Variants in IMPG1 observed in about 807,000 individuals in gnomAD.
IMPG1 encodes the protein interphotoreceptor matrix proteoglycan of 150 kDa.
A neutral mutation model predicts 92.0 loss-of-function variants in IMPG1; 85 were observed. That is an observed-to-expected ratio of 0.92 (90% CI 0.78 to 1.11). The LOEUF (loss-of-function observed/expected upper bound fraction) is 1.11. Among genes scored for constraint, IMPG1 ranks in the 50% least tolerant of loss-of-function variants. The probability of loss-of-function intolerance (pLI) is 0.00; values close to 1 mark genes in which losing one functional copy is unlikely to be tolerated. For synonymous variants in IMPG1, 367 were observed against 334.1 expected (o/e 1.10, Z -1.08); for missense variants, 1,022 against 956.0 (o/e 1.07, Z -0.91).
chr6:76,034,473 A>G (rs1783701295), intron 3 of IMPG1, 130 bp from the exon 4 acceptor site: 3 of 1,228,606 alleles, frequency 2.4e-6, no homozygotes, highest in Non-Finnish European at 3.5e-6. Context: ...TTTTGCAAGA[A>G]TAAAATTTCT....
At chr6:75,975,794 T>G (rs1562355584) in intron 12 of IMPG1, among the ~76,000 whole-genome samples, 1 of 152,244 alleles carries the variant, frequency 6.6e-6, no homozygotes, top group Non-Finnish European at 1.5e-5. Context: ...CCATGTGCTC[T>G]CTATTGCAAC....
At chr6:75,934,892 T>C (rs1045139587) in intron 14 of IMPG1, 15 of 465,110 alleles carry the variant, frequency 3.2e-5, no homozygotes, top group South Asian at 2.3e-4. Flanking sequence ...TCATATCATC[T>C]CCTGCTTTTG....
In IMPG1 at chr6:76,042,087, A is replaced by G. The variant is rs1783854245; in HGVS notation, c.107T>C (p.Ile36Thr). Residue 36 changes from isoleucine to threonine, a missense_variant, in exon 2 of 17, where the codon ATA (isoleucine) becomes ACA (threonine). Physicochemically the swap from Ile to Thr is moderately conservative, Grantham distance 89 (BLOSUM62 -1). This residue lies in a region of IMPG1 where 681 missense variants were observed against 583.6 expected (regional missense o/e 1.17). Transcript: ENST00000369950. ...INIYHSETKD[I>T]DNPPRNETTE... The stretch of plus-strand genomic sequence containing the variant: ...TGTTTCATTTCTTGGGGGATTGTCT[A>G]TGTCTTTAGTTTCAGAATGGTATAT... 6 of 1,604,506 alleles carry G rather than the reference A, an allele frequency of 3.7e-6. No homozygotes were observed. The highest frequency in any genetic ancestry group is 5.1e-6 in the Non-Finnish European group (6 of 1,171,420).
intron 12 of IMPG1, among the ~76,000 whole-genome samples, chr6:75,974,317 C>G (rs1352813570): frequency 6.8e-6 from 1 of 147,480 alleles, no homozygotes; most frequent in African/African-American, 2.5e-5. Context: ...TTCTTTCTTT[C>G]CCTCTTTCTT....
Position 76,003,929 on chromosome 6 carries a change from G to T in IMPG1, c.1157C>A (p.Ala386Asp), listed in dbSNP as rs144437882. 302 of 1,612,738 alleles carry T rather than the reference G, an allele frequency of 1.9e-4. No homozygotes were observed. Among genetic ancestry groups the T allele is most frequent in the Non-Finnish European group, 2.5e-4 (292 of 1,179,414 alleles). ...FTDEIAGSLP[A>D]FGPDTQSELP... ...CTCTGATTGGGTGTCAGGACCAAAG[G>T]CTGGCAGTGATCCAGCAATTTCTAT... is the stretch of plus-strand genomic sequence containing the variant. The change falls in exon 11 of 17, where the codon GCC becomes GAC. Residue 386 changes from alanine (A) to aspartate (D), a missense_variant. Physicochemically the swap from Ala to Asp is moderately radical, Grantham distance 126 (BLOSUM62 -2). Coordinates refer to ENST00000369950, the MANE Select transcript of IMPG1 (RefSeq NM_001563.4).
At chr6:75,983,026 A>T (rs1782654761) in intron 12 of IMPG1, among the ~76,000 whole-genome samples, 1 of 152,106 alleles carries the variant, frequency 6.6e-6, no homozygotes, top group Non-Finnish European at 1.5e-5. Context: ...AAAAAGATAG[A>T]GTGAAATTGC....
chr6:76,031,084 C>T (rs1182283379), intron 4 of IMPG1, among the ~76,000 whole-genome samples: 2 of 152,160 alleles, frequency 1.3e-5, no homozygotes, highest in Non-Finnish European at 2.9e-5. Flanking sequence ...AAACCATCTG[C>T]AAGCCTAAAT....
chr6:76,063,696 T>G (rs1044975451), intron 1 of IMPG1, among the ~76,000 whole-genome samples: 3 of 152,224 alleles, frequency 2.0e-5, no homozygotes, highest in African/African-American at 7.2e-5. Flanking sequence ...CCCTTGTGTT[T>G]CCACATTGCC....
At chr6:76,027,041 T>C (rs1783553926) in intron 4 of IMPG1, among the ~76,000 whole-genome samples, 1 of 152,212 alleles carries the variant, frequency 6.6e-6, no homozygotes, top group Non-Finnish European at 1.5e-5. Context: ...GAGCTGTAAT[T>C]AATTTGGCCT....
rs1783851679 is a variant in IMPG1 at position 76,041,994 on chromosome 6, C to T, written c.200G>A (p.Arg67Gln). 18 of 1,613,676 alleles carry T rather than the reference C, an allele frequency of 1.1e-5. No homozygotes were observed. The highest frequency in any genetic ancestry group is 8.9e-5 in the East Asian group (4 of 44,852). ...MRRIFDLAKH[R>Q]TKRSAFFPTG... ...TGGGAAAAATGCGGATCTTTTTGTT[C>T]GATGCTTTGCCAAATCGAATATTCG... The change falls in exon 2 of 17, where the codon CGA (arginine) becomes CAA (glutamine). Residue 67 changes from arginine to glutamine, a missense_variant. This residue lies in a region of IMPG1 where 681 missense variants were observed against 583.6 expected (regional missense o/e 1.17). Coordinates refer to ENST00000369950, the MANE Select transcript of IMPG1 (RefSeq NM_001563.4).
chr6:75,988,892 C>T (rs532131395), intron 12 of IMPG1, among the ~76,000 whole-genome samples: 9 of 152,296 alleles, frequency 5.9e-5, no homozygotes, highest in African/African-American at 2.2e-4. Context: ...GTACCCCTCA[C>T]TACTGGTCTA....
At chr6:75,976,757 A>G (rs1382283559) in intron 12 of IMPG1, among the ~76,000 whole-genome samples, 1 of 151,664 alleles carries the variant, frequency 6.6e-6, no homozygotes, top group Admixed American at 6.6e-5. Flanking sequence ...TAAAAAATAC[A>G]AAGAACTAGC....
At chr6:76,061,844 G>C (rs1784213185) in intron 1 of IMPG1, among the ~76,000 whole-genome samples, 2 of 152,148 alleles carry the variant, frequency 1.3e-5, no homozygotes, top group African/African-American at 4.8e-5. Flanking sequence ...CTCAAAGAAA[G>C]GAGCCTTGGT....
chr6:75,923,067 A>G (rs1251077485), intron 16 of IMPG1, among the ~76,000 whole-genome samples: 3 of 152,128 alleles, frequency 2.0e-5, no homozygotes, highest in Non-Finnish European at 2.9e-5. Context: ...TATGTCAACT[A>G]TATATAAATT....
chr6:75,986,962 T>C (rs1358826307), intron 12 of IMPG1, among the ~76,000 whole-genome samples: 1 of 152,232 alleles, frequency 6.6e-6, no homozygotes, highest in South Asian at 2.1e-4. Context: ...TTTTAACTTA[T>C]AATTACATCT....
intron 10 of IMPG1, 138 bp from the exon 11 acceptor site, chr6:76,004,088 G>T: frequency 1.6e-6 from 1 of 620,620 alleles, no homozygotes; most frequent in Non-Finnish European, 2.8e-6. Context: ...GGAAACCAGA[G>T]GCATAGAAAA....
intron 12 of IMPG1, among the ~76,000 whole-genome samples, chr6:75,982,541 A>ATATCTATC (rs145538984): frequency 0.34 from 49,138 of 146,430 alleles, 9,830 homozygotes; most frequent in East Asian, 0.53. Flanking sequence ...AAAAATGTGT[A>ATATCTATC]TATCTATCTA....
chr6:75,965,780 T>A (rs2149463547), intron 12 of IMPG1, among the ~76,000 whole-genome samples: 1 of 152,202 alleles, frequency 6.6e-6, no homozygotes, highest in East Asian at 1.9e-4. Flanking sequence ...GCTAATTTTT[T>A]GTATTTTTAG....
At chr6:75,980,250 TA>T (rs1201368635) in intron 12 of IMPG1, among the ~76,000 whole-genome samples, 1 of 152,220 alleles carries the variant, frequency 6.6e-6, no homozygotes, top group African/African-American at 2.4e-5. Flanking sequence ...TACTGTAAAT[TA>T]AACTTTATGA....
Sources: allele counts gnomAD v4.1 joint callset (sites outside exome capture counted in the v4.1 genomes callset), GRCh38; gene constraint gnomAD v4.1.1; regional missense constraint gnomAD v4.1.1; transcripts MANE v1.5; gene names NCBI Gene and HGNC (gene_info 2026-07-23, HGNC 2026-07-21).